FCHSD2: variants seen among roughly 807,000 people sequenced by gnomAD.
FCHSD2 encodes the protein F-BAR and double SH3 domains protein 2.
FCHSD2 carries 38 observed loss-of-function variants against 108.1 expected under a neutral mutation model. The observed-to-expected ratio is 0.35, with a 90% confidence interval of 0.27 to 0.46. The LOEUF (loss-of-function observed/expected upper bound fraction) is 0.46, where lower values mean the gene tolerates loss of function less well. Ranked by LOEUF, FCHSD2 falls within the 20% of genes least tolerant of loss-of-function variation. The pLI, the probability that FCHSD2 is intolerant of heterozygous loss-of-function variation, is 1.00. For missense variants in FCHSD2, 751 were observed against 897.8 expected (o/e 0.84, Z 2.09); for synonymous variants, 279 against 314.7 (o/e 0.89, Z 1.20).
chr11:72,908,210 T>C (rs1317578694), intron 9 of FCHSD2, among the ~76,000 whole-genome samples: 1 of 152,216 alleles, frequency 6.6e-6, no homozygotes, highest in African/African-American at 2.4e-5. Flanking sequence ...AATGACAGGA[T>C]CTCATTCTTT....
intron 14 of FCHSD2, among the ~76,000 whole-genome samples, chr11:72,849,361 A>T (rs997156385): frequency 6.6e-6 from 1 of 152,246 alleles, no homozygotes; most frequent in African/African-American, 2.4e-5. Context: ...GTGGAGCATC[A>T]AAGAAATATG....
intron 10 of FCHSD2, among the ~76,000 whole-genome samples, chr11:72,899,721 G>A (rs1039665049): frequency 4.9e-5 from 5 of 101,060 alleles, no homozygotes; most frequent in Non-Finnish European, 8.9e-5. Flanking sequence ...GGGTGACAGA[G>A]TAAGACCCTA....
chr11:73,018,629 T>TAATGTATA (rs1326971472), intron 3 of FCHSD2, among the ~76,000 whole-genome samples: 1 of 152,082 alleles, frequency 6.6e-6, no homozygotes, highest in Admixed American at 6.6e-5. Context: ...TACATTACTC[T>TAATGTATA]GTTTCTAATG....
At chr11:72,922,144 C>T (rs1473602724) in intron 8 of FCHSD2, among the ~76,000 whole-genome samples, 194 bp from the exon 9 acceptor site, 1 of 152,016 alleles carries the variant, frequency 6.6e-6, no homozygotes, top group South Asian at 2.1e-4. Context: ...CTCTAATAAA[C>T]AGGAACTAAA....
intron 3 of FCHSD2, among the ~76,000 whole-genome samples, chr11:73,071,457 C>T (rs908632352): frequency 3.3e-5 from 5 of 150,992 alleles, no homozygotes; most frequent in Admixed American, 1.3e-4. Flanking sequence ...CTTGAGAGGT[C>T]GAGGCGGGCA....
chr11:73,087,115 C>T (rs956867690), intron 2 of FCHSD2, among the ~76,000 whole-genome samples: 1 of 152,010 alleles, frequency 6.6e-6, no homozygotes, highest in Non-Finnish European at 1.5e-5. Context: ...TCCTATGGGA[C>T]AAGAGGTGAA....
rs118071307 is a variant in FCHSD2, at chr11:72,997,345, C to T, written c.387+3645G>A. Among the ~76,000 whole-genome samples the T allele has an allele frequency of 2.9e-3, 434 of 152,194 alleles. 16 individuals are homozygous for T. The East Asian group carries it at 0.074, about 26-fold the overall frequency. ...CCTAAAAAGCCTAAAACCAGAGATC[C>T]TAACAGAATCAAGGTGATCTAATAG... On this transcript the variant is annotated intron_variant, in intron 5 of 19. Transcript: ENST00000409418.
intron 8 of FCHSD2, among the ~76,000 whole-genome samples, chr11:72,946,977 T>C (rs565775561): frequency 2.0e-5 from 3 of 152,316 alleles, no homozygotes; most frequent in African/African-American, 7.2e-5. Context: ...ATCTATGCAA[T>C]AGCTCACCCA....
Position 72,849,884 on chromosome 11 carries a change from A to G in FCHSD2, c.1314T>C (p.Asn438=), listed in dbSNP as rs1052957016. 2 of 1,608,678 alleles carry G rather than the reference A, an allele frequency of 1.2e-6. No individual in the cohort carries two copies. Among genetic ancestry groups the G allele is most frequent in the Non-Finnish European group, 1.7e-6 (2 of 1,178,382 alleles). ...VTSNGTLHSL[N]ADTEREEGEE... ...CGCCTTCTTCTCTTTCGGTATCTGC[A>G]TTAAGCTAAGAAAAATTAGAAACCA... The change falls in exon 14 of 20, where the codon AAT becomes AAC. Residue 438 remains asparagine (N), a synonymous_variant. Coordinates refer to ENST00000409418, the MANE Select transcript of FCHSD2 (RefSeq NM_014824.3).
intron 3 of FCHSD2, among the ~76,000 whole-genome samples, chr11:73,028,328 T>A (rs1438165164): frequency 6.6e-6 from 1 of 152,132 alleles, no homozygotes; most frequent in African/African-American, 2.4e-5. Flanking sequence ...TCAAAGGAGA[T>A]TATTTTGGAG....
chr11:73,064,530 T>C (rs1014387751), intron 3 of FCHSD2, among the ~76,000 whole-genome samples: 7 of 150,664 alleles, frequency 4.6e-5, no homozygotes, highest in Admixed American at 2.6e-4. Context: ...ATCAACAAAA[T>C]AGACTGCTTG....
At chr11:73,063,381 T>G (rs1466051915) in intron 3 of FCHSD2, among the ~76,000 whole-genome samples, 1 of 152,144 alleles carries the variant, frequency 6.6e-6, no homozygotes, top group African/African-American at 2.4e-5. Flanking sequence ...CTGCATCAAC[T>G]AATGGTCAAA....
At chr11:73,018,559 G>T (rs1462972412) in intron 3 of FCHSD2, among the ~76,000 whole-genome samples, 1 of 148,850 alleles carries the variant, frequency 6.7e-6, no homozygotes. Context: ...GGCTATAGCA[G>T]ATCACCTAGA....
At chr11:73,138,341 G>A (rs1022539296) in intron 2 of FCHSD2, among the ~76,000 whole-genome samples, 2 of 152,102 alleles carry the variant, frequency 1.3e-5, no homozygotes, top group Non-Finnish European at 2.9e-5. Context: ...ATAAGCTCCT[G>A]CACCAAGCTA....
At chr11:72,909,765 C>A (rs1271631215) in intron 9 of FCHSD2, among the ~76,000 whole-genome samples, 1 of 151,212 alleles carries the variant, frequency 6.6e-6, no homozygotes, top group Non-Finnish European at 1.5e-5. Flanking sequence ...TGCCTGGCCG[C>A]CCCATCTGGG....
intron 8 of FCHSD2, among the ~76,000 whole-genome samples, chr11:72,935,315 T>C (rs1417918128): frequency 2.6e-5 from 4 of 152,112 alleles, no homozygotes; most frequent in African/African-American, 9.7e-5. Flanking sequence ...CCCTCCTTAT[T>C]TAGATCCAGG....
At chr11:72,936,046 C>T (rs965344971) in intron 8 of FCHSD2, among the ~76,000 whole-genome samples, 1 of 152,162 alleles carries the variant, frequency 6.6e-6, no homozygotes, top group African/African-American at 2.4e-5. Context: ...AACCTTGAAC[C>T]CTATATACTT....
At chr11:73,135,608 A>G (rs961171286) in intron 2 of FCHSD2, among the ~76,000 whole-genome samples, 2 of 152,192 alleles carry the variant, frequency 1.3e-5, no homozygotes, top group East Asian at 3.8e-4. Context: ...AATAAACTAA[A>G]AAGAAAGTAG....
chr11:73,100,081 T>C (rs1014541865), intron 2 of FCHSD2, among the ~76,000 whole-genome samples: 1 of 152,150 alleles, frequency 6.6e-6, no homozygotes. Flanking sequence ...GCCCTTCCGC[T>C]TCCTACAGTG....
Sources: allele counts gnomAD v4.1 joint callset (sites outside exome capture counted in the v4.1 genomes callset), GRCh38; gene constraint gnomAD v4.1.1; transcripts MANE v1.5; gene names NCBI Gene and HGNC (gene_info 2026-07-23, HGNC 2026-07-21).